The following PGPEP1L variants were observed in gnomAD, a reference collection of about 807,000 sequenced individuals.
PGPEP1L encodes the protein pyroglutamyl-peptidase 1-like protein.
PGPEP1L carries 7 observed loss-of-function variants against 6.0 expected under a neutral mutation model. That is an observed-to-expected ratio of 1.17 (90% CI 0.66 to 2.19). PGPEP1L has a LOEUF of 2.19. PGPEP1L is among the 30% of genes most tolerant of loss of function. The pLI is 0.00. For missense variants in PGPEP1L, 209 were observed against 192.5 expected (o/e 1.09, Z -0.51); for synonymous variants, 103 against 83.9 (o/e 1.23, Z -1.24).
chr15:98,980,510 G>A (rs906112373), intron 2 of PGPEP1L, among the ~76,000 whole-genome samples: 2 of 152,210 alleles, frequency 1.3e-5, no homozygotes, highest in Non-Finnish European at 2.9e-5. Context: ...GCTCTCTCAT[G>A]CACTTGCACT....
intron 2 of PGPEP1L, among the ~76,000 whole-genome samples, chr15:98,979,432 A>G (rs1475361435): frequency 6.6e-6 from 1 of 152,118 alleles, no homozygotes; most frequent in Non-Finnish European, 1.5e-5. Context: ...CACAGCACAG[A>G]CTTCTATATA....
chr15:98,971,762 T>C (rs181296028), intron 2 of PGPEP1L, among the ~76,000 whole-genome samples: 3 of 152,306 alleles, frequency 2.0e-5, no homozygotes, highest in African/African-American at 4.8e-5. Context: ...TACTCTAATA[T>C]GGTAATGGTG....
intron 2 of PGPEP1L, among the ~76,000 whole-genome samples, chr15:99,002,854 A>G (rs1165176877): frequency 6.6e-6 from 1 of 151,370 alleles, no homozygotes; most frequent in African/African-American, 2.4e-5. Flanking sequence ...TTCCTGTGAC[A>G]TATTTCTCAA....
chr15:98,978,739 T>A (rs1442696475), intron 2 of PGPEP1L, among the ~76,000 whole-genome samples: 1 of 143,428 alleles, frequency 7.0e-6, no homozygotes, highest in Non-Finnish European at 1.5e-5. Context: ...TTTTTTTTTT[T>A]TTTTTTTTTG....
intron 2 of PGPEP1L, among the ~76,000 whole-genome samples, chr15:99,004,673 A>G (rs1481318887): frequency 2.6e-5 from 4 of 152,142 alleles, no homozygotes; most frequent in African/African-American, 4.8e-5. Flanking sequence ...AGCTGAGCTT[A>G]CGCCACTGCA....
intron 2 of PGPEP1L, among the ~76,000 whole-genome samples, chr15:98,988,599 T>C (rs2017779764): frequency 6.6e-6 from 1 of 152,226 alleles, no homozygotes; most frequent in South Asian, 2.1e-4. Context: ...CTGACAGCTC[T>C]GAAGAGAGGA....
chr15:98,993,713 A>AG lies in PGPEP1L; in HGVS notation c.-142+11715_-142+11716insC, dbSNP rs370381208. On this transcript the variant is annotated intron_variant, in intron 2 of 4. Transcript: ENST00000535714. Reference sequence around the variant, plus strand: ...GGGGAGGGATAGCATTAGGAGAAATACCTAATATAGATGATGGGTTGATGG... The same window carrying AG: ...GGGGAGGGATAGCATTAGGAGAAATAGCCTAATATAGATGATGGGTTGATGG... Among the ~76,000 whole-genome samples the AG allele has an allele frequency of 4.0e-4, 61 of 152,122 alleles. 1 individual carries two copies. The highest frequency in any genetic ancestry group is 2.9e-3 in the South Asian group (14 of 4,816).
At chr15:98,995,447 C>A (rs1210533044) in intron 2 of PGPEP1L, among the ~76,000 whole-genome samples, 1 of 152,216 alleles carries the variant, frequency 6.6e-6, no homozygotes, top group Admixed American at 6.5e-5. Flanking sequence ...CCTGTAATCC[C>A]AGCACTTTGG....
At chr15:98,982,656 C>G (rs974754688) in intron 2 of PGPEP1L, among the ~76,000 whole-genome samples, 1 of 144,884 alleles carries the variant, frequency 6.9e-6, no homozygotes, top group African/African-American at 2.6e-5. Flanking sequence ...AGAGAGATGT[C>G]TGAGGTCTCC....
chr15:98,984,587 A>G (rs1458808194), intron 2 of PGPEP1L, among the ~76,000 whole-genome samples: 4 of 152,282 alleles, frequency 2.6e-5, no homozygotes, highest in Admixed American at 6.5e-5. Context: ...ATGAACGTCC[A>G]TGAACATTAC....
intron 2 of PGPEP1L, among the ~76,000 whole-genome samples, chr15:98,979,049 A>T (rs12898236): frequency 0.045 from 5,251 of 115,810 alleles, 255 homozygotes; most frequent in African/African-American, 0.14. Context: ...ATATATATAT[A>T]TTTTTATTAC....
Position 98,994,101 on chromosome 15 carries a change from A to C in PGPEP1L, c.-142+11328T>G, listed in dbSNP as rs148429123. On this transcript the variant is annotated intron_variant, in intron 2 of 4. Coordinates refer to ENST00000535714, the MANE Select transcript of PGPEP1L (RefSeq NM_001167902.2). ...GCCAACATGGTGAAACCCCGTCTGT[A>C]CTAAAAATGCAAAAATTAGCCAGGC... Among the ~76,000 whole-genome samples, 372 of 151,758 alleles carry C rather than the reference A, an allele frequency of 2.5e-3. 1 individual carries two copies. Among genetic ancestry groups the C allele is most frequent in the African/African-American group, 8.2e-3 (341 of 41,356 alleles).
intron 2 of PGPEP1L, among the ~76,000 whole-genome samples, chr15:99,004,837 G>A (rs185583981): frequency 3.6e-4 from 55 of 152,212 alleles, no homozygotes; most frequent in Admixed American, 3.0e-3. Flanking sequence ...GGTGTTTGCA[G>A]GAGTGAGCAG....
chr15:98,986,478 G>A (rs555170879), intron 2 of PGPEP1L, among the ~76,000 whole-genome samples: 58 of 152,324 alleles, frequency 3.8e-4, no homozygotes, highest in African/African-American at 9.4e-4. Flanking sequence ...GGAGGGTAAC[G>A]TGCCAACACC....
chr15:98,995,906 T>G (rs774359099), intron 2 of PGPEP1L, among the ~76,000 whole-genome samples: 4 of 152,230 alleles, frequency 2.6e-5, no homozygotes, highest in Non-Finnish European at 5.9e-5. Context: ...TGGACAATCA[T>G]GTAAGTAGAA....
intron 2 of PGPEP1L, among the ~76,000 whole-genome samples, chr15:99,000,099 G>A (rs1567243596): frequency 6.6e-6 from 1 of 152,258 alleles, no homozygotes; most frequent in South Asian, 2.1e-4. Context: ...GCGGGCCAGC[G>A]CGAATTCCGG....
chr15:99,001,952 A>G (rs1297910437), intron 2 of PGPEP1L, among the ~76,000 whole-genome samples: 3 of 152,140 alleles, frequency 2.0e-5, no homozygotes, highest in African/African-American at 7.2e-5. Flanking sequence ...TCCTGCCCTA[A>G]GTGATCCACC....
At chr15:98,998,859 C>T (rs1462685610) in intron 2 of PGPEP1L, among the ~76,000 whole-genome samples, 14 of 152,184 alleles carry the variant, frequency 9.2e-5, no homozygotes, top group African/African-American at 3.4e-4. Flanking sequence ...CCTATAATCC[C>T]AGCTACTAGG....
chr15:99,002,654 TAAA>T (rs577692475), intron 2 of PGPEP1L, among the ~76,000 whole-genome samples: 1 of 150,774 alleles, frequency 6.6e-6, no homozygotes, highest in Admixed American at 6.6e-5. Context: ...TATTTCAAAA[TAAA>T]AAGTTTTAAA....
Sources: allele counts gnomAD v4.1 joint callset (sites outside exome capture counted in the v4.1 genomes callset), GRCh38; gene constraint gnomAD v4.1.1; transcripts MANE v1.5; gene names NCBI Gene and HGNC (gene_info 2026-07-23, HGNC 2026-07-21).